Variants in SLC2A13 observed in about 807,000 individuals in gnomAD.
SLC2A13 encodes proton myo-inositol cotransporter.
SLC2A13 carries 32 observed loss-of-function variants against 64.4 expected under a neutral mutation model. The observed-to-expected ratio is 0.50, with a 90% CI of 0.37 to 0.67. The LOEUF is 0.67. Ranked by LOEUF, SLC2A13 falls within the 30% of genes least tolerant of loss-of-function variation. The probability of loss-of-function intolerance (pLI) is 0.00; values close to 1 mark genes in which losing one functional copy is unlikely to be tolerated. For missense variants in SLC2A13, 743 were observed against 829.2 expected (o/e 0.90, Z 1.28); for synonymous variants, 338 against 327.1 (o/e 1.03, Z -0.36).
rs371948881 is a variant in SLC2A13 at position 40,083,881 on chromosome 12, G to A, written c.556+21372C>T. 2.6e-5 allele frequency among the ~76,000 whole-genome samples: 4 copies of A among 152,168 alleles called. No individual in the cohort carries two copies. In the East Asian group the frequency reaches 5.8e-4, roughly 22 times the overall value. On this transcript the variant is annotated intron_variant, in intron 1 of 9. Transcript: ENST00000280871. ...TGTTTACTTTTCAGAATCCTCAGCT[G>A]CATTTTGCATTATTTCCAGAGTTCT... is the stretch of plus-strand genomic sequence containing the variant.
intron 4 of SLC2A13, among the ~76,000 whole-genome samples, chr12:39,903,378 AT>A (rs2136022588): frequency 6.6e-6 from 1 of 152,294 alleles, no homozygotes; most frequent in African/African-American, 2.4e-5. Flanking sequence ...CATAAAATTT[AT>A]CAGGTAAACT....
At chr12:40,001,332 C>T (rs1266576769) in intron 3 of SLC2A13, among the ~76,000 whole-genome samples, 2 of 152,172 alleles carry the variant, frequency 1.3e-5, no homozygotes, top group Non-Finnish European at 2.9e-5. Context: ...ACATTAAAGA[C>T]ACTTCTTGAA....
intron 4 of SLC2A13, among the ~76,000 whole-genome samples, chr12:39,899,405 A>G (rs564163576): frequency 2.6e-5 from 4 of 151,892 alleles, no homozygotes; most frequent in Non-Finnish European, 5.9e-5. Flanking sequence ...CGGTCTATCA[A>G]TTTTGCTGAT....
chr12:40,031,284 G>A (rs1208838375), intron 2 of SLC2A13, among the ~76,000 whole-genome samples: 9 of 152,048 alleles, frequency 5.9e-5, no homozygotes, highest in East Asian at 5.8e-4. Flanking sequence ...GTGTAGTGGC[G>A]CGATCTCGGC....
intron 3 of SLC2A13, among the ~76,000 whole-genome samples, chr12:39,984,154 G>C (rs1353299451): frequency 7.2e-6 from 1 of 139,396 alleles, no homozygotes; most frequent in Non-Finnish European, 1.5e-5. Context: ...ACAGGAAGGG[G>C]AATATCACAA....
chr12:39,811,893 C>T (rs573583460), intron 7 of SLC2A13, among the ~76,000 whole-genome samples: 1 of 152,232 alleles, frequency 6.6e-6, no homozygotes, highest in Admixed American at 6.5e-5. Context: ...CTGTCTTTTA[C>T]TGGAGTTTCT....
chr12:39,904,616 A>C (rs140619159), intron 4 of SLC2A13, among the ~76,000 whole-genome samples: 198 of 152,246 alleles, frequency 1.3e-3, no homozygotes, highest in Non-Finnish European at 2.6e-3. Flanking sequence ...CAGATGTTGC[A>C]GATGAGTTTA....
chr12:39,790,376 C>A (rs1411170457), intron 7 of SLC2A13, among the ~76,000 whole-genome samples: 1 of 119,820 alleles, frequency 8.3e-6, no homozygotes. Flanking sequence ...CCCCCTCCCC[C>A]CACCCCACCA....
intron 1 of SLC2A13, among the ~76,000 whole-genome samples, chr12:40,100,397 G>A (rs999902071): frequency 2.0e-5 from 3 of 152,174 alleles, no homozygotes; most frequent in African/African-American, 7.2e-5. Context: ...GCCAACACCA[G>A]GGAGAAAGGG....
At chr12:40,011,678 G>A (rs969522582) in intron 3 of SLC2A13, among the ~76,000 whole-genome samples, 4 of 151,990 alleles carry the variant, frequency 2.6e-5, no homozygotes, top group Non-Finnish European at 5.9e-5. Context: ...AGTAGTCCTC[G>A]GCGTCTACTG....
intron 3 of SLC2A13, among the ~76,000 whole-genome samples, chr12:39,997,613 G>A (rs867798022): frequency 2.6e-5 from 4 of 152,076 alleles, no homozygotes; most frequent in African/African-American, 9.7e-5. Context: ...GGCAGATCAC[G>A]AGGTCAAGAG....
At chr12:39,939,334 G>A (rs985892584) in intron 4 of SLC2A13, among the ~76,000 whole-genome samples, 2 of 152,166 alleles carry the variant, frequency 1.3e-5, no homozygotes, top group African/African-American at 4.8e-5. Context: ...CTGATAGCTC[G>A]CTATAAAGGC....
At chr12:39,842,865 C>T (rs1247848040) in intron 6 of SLC2A13, among the ~76,000 whole-genome samples, 1 of 152,068 alleles carries the variant, frequency 6.6e-6, no homozygotes, top group East Asian at 1.9e-4. Flanking sequence ...TGTAATTATA[C>T]AATGTGCTCT....
chr12:39,887,492 G>A (rs1944497603), intron 4 of SLC2A13, among the ~76,000 whole-genome samples: 1 of 152,142 alleles, frequency 6.6e-6, no homozygotes, highest in African/African-American at 2.4e-5. Flanking sequence ...TTTCACAACA[G>A]GGATAGAAAA....
At chr12:39,885,954 G>C (rs923911406) in intron 4 of SLC2A13, among the ~76,000 whole-genome samples, 4 of 152,146 alleles carry the variant, frequency 2.6e-5, no homozygotes, top group Non-Finnish European at 4.4e-5. Context: ...TATCACTCCA[G>C]AGCAAATGTT....
chr12:39,958,396 C>T (rs1337389877), intron 3 of SLC2A13, among the ~76,000 whole-genome samples: 4 of 152,142 alleles, frequency 2.6e-5, no homozygotes, highest in Non-Finnish European at 4.4e-5. Flanking sequence ...AAGTCTCCAT[C>T]GCCCCTTCAG....
rs1555144118 is a variant in SLC2A13, at chr12:39,968,760, G to GTTTATA, written c.926-17396_926-17395insTATAAA. ...TTTTTATTTTTGTTGTTTTTTTTTG[G>GTTTATA]TATATATATATATATATATATATAT... On this transcript the variant is annotated intron_variant, in intron 3 of 9. Transcript: ENST00000280871. Among the ~76,000 whole-genome samples the GTTTATA allele has an allele frequency of 3.9e-3, 234 of 59,834 alleles. 16 individuals carry two copies. The highest frequency in any genetic ancestry group is 8.1e-3 in the Non-Finnish European group (178 of 22,002). 39.3% of individuals were successfully genotyped at this position (59,834 alleles called of 152,430 possible).
Position 39,860,347 on chromosome 12 carries a change from T to C in SLC2A13, c.1319+4415A>G, listed in dbSNP as rs187348825. ...GAAGAATGGAGAGATACTGCCCAAT[T>C]GATTAGTAAACTACTAGTGGTTTAC... On this transcript the variant is annotated intron_variant, in intron 6 of 9. Coordinates refer to ENST00000280871, the MANE Select transcript of SLC2A13 (RefSeq NM_052885.4). 3.3e-5 allele frequency among the ~76,000 whole-genome samples: 5 copies of C among 152,356 alleles called. No homozygotes were observed. The East Asian group carries it at 5.8e-4, about 18-fold the overall frequency.
At chr12:39,776,707 G>T (rs1940792024) in intron 7 of SLC2A13, among the ~76,000 whole-genome samples, 1 of 145,972 alleles carries the variant, frequency 6.9e-6, no homozygotes, top group Non-Finnish European at 1.5e-5. Context: ...TTTCCATGAG[G>T]TAGGGATGGG....
Sources: allele counts gnomAD v4.1 joint callset (sites outside exome capture counted in the v4.1 genomes callset), GRCh38; gene constraint gnomAD v4.1.1; transcripts MANE v1.5; gene names NCBI Gene and HGNC (gene_info 2026-07-23, HGNC 2026-07-21).